SH3RF3: variants seen among roughly 807,000 people sequenced by gnomAD.
SH3RF3 encodes the protein SH3 domain containing ring finger 3.
A neutral mutation model predicts 66.3 loss-of-function variants in SH3RF3; 29 were observed. That is an observed-to-expected ratio of 0.44 (90% CI 0.33 to 0.60). The LOEUF (loss-of-function observed/expected upper bound fraction) is 0.60. Ranked by LOEUF, SH3RF3 falls within the 20% of genes least tolerant of loss-of-function variation. The pLI is 0.04. For synonymous variants in SH3RF3, 583 were observed against 532.0 expected, an observed-to-expected ratio of 1.10 and a Z score of -1.32; for missense variants, 1,194 against 1,190.9, an observed-to-expected ratio of 1.00 and a Z score of -0.04.
intron 2 of SH3RF3, among the ~76,000 whole-genome samples, chr2:109,368,743 C>T (rs116026205): frequency 0.018 from 2,737 of 148,352 alleles, 80 homozygotes; most frequent in African/African-American, 0.058. Flanking sequence ...AAAGAAAGAA[C>T]GAAAGAAACA....
At chr2:109,206,490 CAAAAAAA>C (rs36060217) in intron 1 of SH3RF3, among the ~76,000 whole-genome samples, 5 of 40,756 alleles carry the variant, frequency 1.2e-4, no homozygotes, top group African/African-American at 3.0e-4. Context: ...GACTCCGTCT[CAAAAAAA>C]AAAAAAAAAA....
intron 2 of SH3RF3, among the ~76,000 whole-genome samples, chr2:109,348,896 C>T (rs1037788259): frequency 6.6e-5 from 10 of 152,124 alleles, no homozygotes; most frequent in African/African-American, 2.4e-4. Context: ...CAGCATTCTT[C>T]CCACCTCCCT....
intron 1 of SH3RF3, among the ~76,000 whole-genome samples, chr2:109,271,095 C>T (rs1266244039): frequency 1.3e-5 from 2 of 152,166 alleles, no homozygotes; most frequent in East Asian, 1.9e-4. Flanking sequence ...CACCCCAGCT[C>T]AAGCACCCAG....
At chr2:109,215,152 G>GTT (rs1679078131) in intron 1 of SH3RF3, among the ~76,000 whole-genome samples, 1 of 152,164 alleles carries the variant, frequency 6.6e-6, no homozygotes, top group African/African-American at 2.4e-5. Flanking sequence ...GTCTTTCTGT[G>GTT]TTTCTCTCTC....
At chr2:109,433,930 G>A (rs1001752703) in intron 6 of SH3RF3, among the ~76,000 whole-genome samples, 11 of 152,230 alleles carry the variant, frequency 7.2e-5, no homozygotes, top group African/African-American at 2.4e-4. Context: ...CTACTTAGAG[G>A]GTGAGCTGCC....
At chr2:109,501,240 T>C (rs1679377042) in intron 9 of SH3RF3, among the ~76,000 whole-genome samples, 1 of 152,126 alleles carries the variant, frequency 6.6e-6, no homozygotes, top group African/African-American at 2.4e-5. Context: ...GTGGAGAATC[T>C]TCAAGGGAGT....
intron 1 of SH3RF3, among the ~76,000 whole-genome samples, chr2:109,176,830 G>A (rs966635486): frequency 3.9e-5 from 6 of 152,176 alleles, no homozygotes; most frequent in Non-Finnish European, 7.4e-5. Context: ...TATGTGACAC[G>A]GCATTGTTGA....
Position 109,501,734 on chromosome 2 carries a change from A to G in SH3RF3, c.*63A>G, listed in dbSNP as rs1250823936. ...GGCCGCCTGGGAAGCTCCACGGCAC[A>G]CAGAGAGGGAGCCATGGCGCCCCAA... On this transcript the variant is annotated 3_prime_UTR_variant, in exon 10 of 10. Transcript: ENST00000309415. 2 of 696,138 alleles carry G rather than the reference A, an allele frequency of 2.9e-6. No homozygotes were observed. The highest frequency in any genetic ancestry group is 5.3e-6 in the Non-Finnish European group (2 of 376,486). 43.1% of individuals were successfully genotyped at this position (696,138 alleles called of 1,614,324 possible). A position where few individuals can be genotyped will look rare whatever the true frequency, so the allele number is the denominator to read the frequency against.
chr2:109,140,871 G>T (rs1224037576), intron 1 of SH3RF3, among the ~76,000 whole-genome samples: 3 of 152,164 alleles, frequency 2.0e-5, no homozygotes, highest in Non-Finnish European at 2.9e-5. Flanking sequence ...GGCCCCAGGG[G>T]TATCAGTTTT....
intron 1 of SH3RF3, among the ~76,000 whole-genome samples, chr2:109,176,703 C>G (rs894335889): frequency 6.6e-6 from 1 of 152,120 alleles, no homozygotes; most frequent in African/African-American, 2.4e-5. Flanking sequence ...TGTCACCGCA[C>G]TCTAGCCTGG....
In SH3RF3 at chr2:109,178,337, G is replaced by A. The variant is rs185542370; in HGVS notation, c.573+48224G>A. On this transcript the variant is annotated intron_variant, in intron 1 of 9. Coordinates refer to ENST00000309415, the MANE Select transcript of SH3RF3 (RefSeq NM_001099289.3). ...CTCTATTGCAATTCATTGAGCCCCC[G>A]TGAATAATACTGCTTCTGCTAGAAA... Among the ~76,000 whole-genome samples, 19 of 152,222 alleles carry A rather than the reference G, an allele frequency of 1.2e-4. No homozygotes were observed. In the East Asian group the frequency reaches 1.4e-3, roughly 11 times the overall value.
At chr2:109,364,659 C>G (rs1327623587) in intron 2 of SH3RF3, among the ~76,000 whole-genome samples, 1 of 152,236 alleles carries the variant, frequency 6.6e-6, no homozygotes, top group Non-Finnish European at 1.5e-5. Context: ...CTCAGTCTTT[C>G]AGCAAGCTTG....
At chr2:109,317,693 C>G (rs1427166694) in intron 1 of SH3RF3, among the ~76,000 whole-genome samples, 1 of 152,192 alleles carries the variant, frequency 6.6e-6, no homozygotes, top group Non-Finnish European at 1.5e-5. Flanking sequence ...GCTGCAGTTT[C>G]TCCACCACGG....
At chr2:109,279,984 C>T (rs577154165) in intron 1 of SH3RF3, among the ~76,000 whole-genome samples, 3 of 152,184 alleles carry the variant, frequency 2.0e-5, no homozygotes, top group South Asian at 4.2e-4. Context: ...CCCTGGGCCA[C>T]GGTTTCTCTT....
intron 3 of SH3RF3, among the ~76,000 whole-genome samples, chr2:109,382,215 A>T (rs1183032000): frequency 6.6e-6 from 1 of 152,154 alleles, no homozygotes; most frequent in African/African-American, 2.4e-5. Flanking sequence ...TTAGGAAGTT[A>T]CCATGCCAGC....
chr2:109,199,587 TGGAA>T (rs1678603447), intron 1 of SH3RF3, among the ~76,000 whole-genome samples: 1 of 978 alleles, frequency 1.0e-3, no homozygotes, highest in African/African-American at 3.1e-3. Context: ...TGGAATGGAA[TGGAA>T]TGGAATGGAA....
intron 1 of SH3RF3, among the ~76,000 whole-genome samples, chr2:109,249,994 C>CTCTT (rs57133775): frequency 0.02 from 2,997 of 150,238 alleles, 103 homozygotes; most frequent in African/African-American, 0.069. Flanking sequence ...TGCACCAGAT[C>CTCTT]TCTACCAAAT....
In SH3RF3 at chr2:109,242,548, G is replaced by A. The variant is rs72952063; in HGVS notation, c.574-105126G>A. 8.5e-3 allele frequency among the ~76,000 whole-genome samples: 1,302 copies of A among 152,288 alleles called. 16 individuals are homozygous for A. The highest frequency in any genetic ancestry group is 0.03 in the African/African-American group (1,247 of 41,572). On this transcript the variant is annotated intron_variant, in intron 1 of 9. Transcript: ENST00000309415. Reference sequence around the variant, plus strand: ...GAATGGCAACAAGGCCAAGTGGGAAGCCTGTGTCTGCACTGACCACCGTGC... The same window carrying A: ...GAATGGCAACAAGGCCAAGTGGGAAACCTGTGTCTGCACTGACCACCGTGC...
rs909210307 is a variant in SH3RF3 at position 109,256,435 on chromosome 2, C to T, written c.574-91239C>T. Among the ~76,000 whole-genome samples the T allele has an allele frequency of 4.6e-5, 7 of 152,194 alleles. 1 individual carries two copies. In the East Asian group the frequency reaches 1.4e-3, roughly 29 times the overall value. The stretch of plus-strand genomic sequence containing the variant: ...AAGGAAGGAGATGTTTCAGACTTAC[C>T]ATTGACTGAAACAGGGAGACGAGTG... On this transcript the variant is annotated intron_variant, in intron 1 of 9. Transcript: ENST00000309415.
Sources: gnomAD v4.1 joint callset for allele counts (sites outside exome capture counted in the v4.1 genomes callset) on GRCh38, gnomAD v4.1.1 for gene constraint, MANE v1.5 for transcripts, NCBI Gene and HGNC (gene_info 2026-07-23, HGNC 2026-07-21) for gene names.